The following FRAS1 variants were observed in gnomAD, a reference collection of about 807,000 sequenced individuals.
FRAS1 encodes the protein Fraser extracellular matrix complex subunit 1.
Under a neutral mutation model 435.2 loss-of-function variants are expected in FRAS1, and 290 were observed. The observed-to-expected ratio is 0.67, with a 90% CI of 0.61 to 0.73. FRAS1 has a LOEUF of 0.73. Ranked by LOEUF, FRAS1 falls within the 30% of genes least tolerant of loss-of-function variation. The pLI, the probability that FRAS1 is intolerant of heterozygous loss-of-function variation, is 0.00. For missense variants in FRAS1, 4,860 were observed against 5,001.5 expected (o/e 0.97, Z 0.85); for synonymous variants, 1,800 against 1,851.0 (o/e 0.97, Z 0.71).
At chr4:78,303,215 A>AT (rs1728513677) in intron 14 of FRAS1, among the ~76,000 whole-genome samples, 1 of 152,036 alleles carries the variant, frequency 6.6e-6, no homozygotes, top group South Asian at 2.1e-4. Context: ...CCATTGATCT[A>AT]TATCTCTGTT....
At chr4:78,490,933 G>T (rs1336275694) in intron 59 of FRAS1, among the ~76,000 whole-genome samples, 1 of 151,656 alleles carries the variant, frequency 6.6e-6, no homozygotes, top group Non-Finnish European at 1.5e-5. Flanking sequence ...GAAGAAAAGA[G>T]AGAATAATCA....
chr4:78,428,511 G>T (rs1734081726), intron 35 of FRAS1, among the ~76,000 whole-genome samples: 1 of 152,118 alleles, frequency 6.6e-6, no homozygotes, highest in African/African-American at 2.4e-5. Flanking sequence ...TTTTAGTAGA[G>T]ATGGGGTTTC....
At chr4:78,269,246 A>C (rs762547345) in intron 9 of FRAS1, among the ~76,000 whole-genome samples, 10 of 152,206 alleles carry the variant, frequency 6.6e-5, no homozygotes, top group Non-Finnish European at 1.3e-4. Context: ...CTTTTTGGGA[A>C]GTCAGATATG....
chr4:78,268,220 T>C (rs1481204584), intron 9 of FRAS1, among the ~76,000 whole-genome samples: 1 of 152,190 alleles, frequency 6.6e-6, no homozygotes, highest in Non-Finnish European at 1.5e-5. Context: ...CCTGGGTTTC[T>C]GTGAAGGTAT....
At position 78,122,509 on chromosome 4, in the gene FRAS1, G is replaced by A. The variant is rs1578138837; in HGVS notation, c.108+56493G>A. 2.0e-5 allele frequency among the ~76,000 whole-genome samples: 3 copies of A among 152,206 alleles called. No individual in the cohort carries two copies. The South Asian group carries it at 6.2e-4, about 32-fold the overall frequency. On this transcript the variant is annotated intron_variant, in intron 2 of 73. Transcript: ENST00000512123. Reference sequence around the variant, plus strand: ...ATATGCCCCATAATGGGATTGCTGGGTCAAATGGTATTTCTAGTTCTAGAT... The same window carrying A: ...ATATGCCCCATAATGGGATTGCTGGATCAAATGGTATTTCTAGTTCTAGAT...
At chr4:78,258,145 A>G (rs1396992755) in intron 6 of FRAS1, among the ~76,000 whole-genome samples, 1 of 152,078 alleles carries the variant, frequency 6.6e-6, no homozygotes, top group African/African-American at 2.4e-5. Flanking sequence ...GTTCGAGACC[A>G]TCCTGGGCAA....
intron 26 of FRAS1, among the ~76,000 whole-genome samples, chr4:78,376,658 T>C (rs1731776124): frequency 6.6e-6 from 1 of 152,172 alleles, no homozygotes; most frequent in Non-Finnish European, 1.5e-5. Flanking sequence ...CACATGTTTC[T>C]AGTGGATGGA....
intron 29 of FRAS1, among the ~76,000 whole-genome samples, chr4:78,395,599 A>G (rs1169296971): frequency 2.0e-5 from 3 of 152,110 alleles, no homozygotes; most frequent in African/African-American, 7.2e-5. Context: ...TTAACCTCTC[A>G]TTATATAATA....
intron 14 of FRAS1, among the ~76,000 whole-genome samples, chr4:78,305,519 G>A (rs1397005862): frequency 6.8e-5 from 10 of 147,410 alleles, no homozygotes; most frequent in Admixed American, 2.7e-4. Context: ...AGGTCGCTAA[G>A]GACTTGCTTT....
intron 7 of FRAS1, among the ~76,000 whole-genome samples, chr4:78,266,137 T>C (rs760221762): frequency 4.6e-5 from 7 of 152,146 alleles, no homozygotes; most frequent in Non-Finnish European, 1.0e-4. Context: ...CATCTAGAGG[T>C]GGGATGGGGC....
intron 2 of FRAS1, among the ~76,000 whole-genome samples, chr4:78,092,288 G>T (rs1326158169): frequency 6.6e-6 from 1 of 152,160 alleles, no homozygotes; most frequent in African/African-American, 2.4e-5. Context: ...CATGTGGTAG[G>T]CTGTATTAGT....
At chr4:78,085,457 T>G (rs974424169) in intron 2 of FRAS1, among the ~76,000 whole-genome samples, 1 of 152,108 alleles carries the variant, frequency 6.6e-6, no homozygotes, top group African/African-American at 2.4e-5. Flanking sequence ...AAGGAATCAA[T>G]CAATACTGAT....
chr4:78,236,804 C>T (rs2110114085), intron 2 of FRAS1, among the ~76,000 whole-genome samples: 1 of 152,296 alleles, frequency 6.6e-6, no homozygotes, highest in South Asian at 2.1e-4. Context: ...CATTGTTTTC[C>T]TTTCCAATTT....
intron 60 of FRAS1, 58 bp downstream of exon 60, chr4:78,497,019 T>C: frequency 7.5e-7 from 1 of 1,328,774 alleles, no homozygotes; most frequent in Non-Finnish European, 1.1e-6. Flanking sequence ...AACTGATGTT[T>C]AACTAATTAT....
intron 38 of FRAS1, among the ~76,000 whole-genome samples, chr4:78,432,924 T>C (rs1377195935): frequency 6.6e-6 from 1 of 152,154 alleles, no homozygotes; most frequent in African/African-American, 2.4e-5. Flanking sequence ...ATATTCCCAA[T>C]GGGAAGTTTA....
chr4:78,087,721 G>A (rs10433896), intron 2 of FRAS1, among the ~76,000 whole-genome samples: 122,534 of 152,044 alleles, frequency 0.81, 49,489 homozygotes, highest in East Asian at 0.95. Context: ...CTTACAAGGG[G>A]CGCGAAGGAC....
intron 2 of FRAS1, among the ~76,000 whole-genome samples, chr4:78,176,623 C>T (rs986448059): frequency 6.6e-6 from 1 of 152,132 alleles, no homozygotes; most frequent in African/African-American, 2.4e-5. Flanking sequence ...TTAATTCAAC[C>T]AACATTTTTT....
chr4:78,318,414 A>C (rs1729364057), intron 17 of FRAS1, among the ~76,000 whole-genome samples: 1 of 152,216 alleles, frequency 6.6e-6, no homozygotes, highest in Non-Finnish European at 1.5e-5. Context: ...CCATTTTTGC[A>C]AAAGATACAG....
intron 2 of FRAS1, among the ~76,000 whole-genome samples, chr4:78,232,354 C>T (rs1033045745): frequency 6.6e-6 from 1 of 151,146 alleles, no homozygotes; most frequent in Non-Finnish European, 1.5e-5. Context: ...GGTGCGATCT[C>T]GGCTCACTGC....
Sources: allele counts gnomAD v4.1 joint callset (sites outside exome capture counted in the v4.1 genomes callset), GRCh38; gene constraint gnomAD v4.1.1; transcripts MANE v1.5; gene names NCBI Gene and HGNC (gene_info 2026-07-23, HGNC 2026-07-21).